The following EPB41L4A variants were observed in gnomAD, a reference collection of about 807,000 sequenced individuals.
EPB41L4A encodes erythrocyte membrane protein band 4.1 like 4A.
In EPB41L4A, 100 loss-of-function variants were observed where a neutral mutation model predicts 108.6. That is an observed-to-expected ratio of 0.92 (90% confidence interval 0.78 to 1.09). The LOEUF (loss-of-function observed/expected upper bound fraction) is 1.09, where lower values mean the gene tolerates loss of function less well. EPB41L4A is among the 50% of genes least tolerant of loss of function. EPB41L4A has a pLI of 0.00. For synonymous variants in EPB41L4A, 319 were observed against 289.0 expected, an observed-to-expected ratio of 1.10 and a Z score of -1.05; for missense variants, 1,030 against 842.7, an observed-to-expected ratio of 1.22 and a Z score of -2.75.
chr5:112,194,279 TAGAG>T (rs745743752), intron 17 of EPB41L4A, among the ~76,000 whole-genome samples: 14 of 152,136 alleles, frequency 9.2e-5, no homozygotes, highest in Non-Finnish European at 1.9e-4. Flanking sequence ...TTACCAGCCT[TAGAG>T]AAATTCACTA....
chr5:112,145,718 A>G (rs1183644987), intron 13 of EPB41L4A, among the ~76,000 whole-genome samples: 1 of 152,222 alleles, frequency 6.6e-6, no homozygotes, highest in East Asian at 1.9e-4. Context: ...TTAATTTCAC[A>G]TCATCCCAAA....
intron 4 of EPB41L4A, among the ~76,000 whole-genome samples, chr5:112,268,844 A>AAAG (rs1752056946): frequency 1.2e-5 from 1 of 81,704 alleles, no homozygotes; most frequent in Admixed American, 1.2e-4. Context: ...CCTTCTCTCA[A>AAAG]AAAAAAAAAA....
chr5:112,389,431 T>G (rs1167990400), intron 1 of EPB41L4A, among the ~76,000 whole-genome samples: 1 of 152,210 alleles, frequency 6.6e-6, no homozygotes, highest in Non-Finnish European at 1.5e-5. Flanking sequence ...AGTTGTTATC[T>G]GACCTTTTCA....
At chr5:112,206,575 C>T (rs923573933) in intron 13 of EPB41L4A, among the ~76,000 whole-genome samples, 13 of 151,838 alleles carry the variant, frequency 8.6e-5, no homozygotes, top group Admixed American at 8.5e-4. Flanking sequence ...ACAAATATGG[C>T]AGATATTTAA....
intron 5 of EPB41L4A, 47 bp downstream of exon 5, chr5:112,266,186 A>G (rs1363396252): frequency 2.9e-6 from 4 of 1,357,024 alleles, no homozygotes; most frequent in Non-Finnish European, 4.0e-6. Flanking sequence ...AAATGCAAAT[A>G]CTTTCTCCAG....
chr5:112,417,440 T>C (rs896884712), intron 1 of EPB41L4A, among the ~76,000 whole-genome samples: 1 of 152,208 alleles, frequency 6.6e-6, no homozygotes, highest in African/African-American at 2.4e-5. Flanking sequence ...TTTTTCTAAT[T>C]GTTTCTATCT....
intron 12 of EPB41L4A, among the ~76,000 whole-genome samples, chr5:112,218,101 C>T (rs1044644898): frequency 1.3e-5 from 2 of 152,164 alleles, no homozygotes; most frequent in African/African-American, 4.8e-5. Flanking sequence ...CACAGACAGT[C>T]CTCCTTGTGG....
intron 1 of EPB41L4A, among the ~76,000 whole-genome samples, chr5:112,400,941 T>C (rs1465872232): frequency 6.6e-6 from 1 of 152,174 alleles, no homozygotes; most frequent in East Asian, 1.9e-4. Context: ...TCTGGATAAC[T>C]TTTAACTATA....
At chr5:112,230,539 C>T (rs563842656) in intron 12 of EPB41L4A, among the ~76,000 whole-genome samples, 2 of 152,106 alleles carry the variant, frequency 1.3e-5, no homozygotes, top group Non-Finnish European at 2.9e-5. Context: ...CTTTTGAGAA[C>T]TGTCTATTCG....
At chr5:112,234,397 G>A (rs1287302519) in intron 12 of EPB41L4A, among the ~76,000 whole-genome samples, 2 of 151,566 alleles carry the variant, frequency 1.3e-5, no homozygotes, top group Middle Eastern at 3.4e-3. Context: ...GAAAAAAAAA[G>A]AAAGTACAGT....
At chr5:112,188,446 T>G (rs957938097) in intron 17 of EPB41L4A, among the ~76,000 whole-genome samples, 1 of 152,114 alleles carries the variant, frequency 6.6e-6, no homozygotes, top group Non-Finnish European at 1.5e-5. Context: ...CCTTTCAAAC[T>G]CTCCTGTTTT....
At chr5:112,227,953 T>G (rs776627925) in intron 12 of EPB41L4A, among the ~76,000 whole-genome samples, 7 of 152,130 alleles carry the variant, frequency 4.6e-5, no homozygotes, top group Non-Finnish European at 8.8e-5. Flanking sequence ...GGCACCATCA[T>G]CCCCTGGAGT....
chr5:112,161,212 G>A (rs962484538), downstream of EPB41L4A: 13 of 270,368 alleles, frequency 4.8e-5, 1 homozygote, highest in Non-Finnish European at 3.7e-5. Flanking sequence ...CCCTGCCCCC[G>A]TATAAAATAA....
At chr5:112,195,276 C>T (rs1761906003) in intron 16 of EPB41L4A, among the ~76,000 whole-genome samples, 1 of 151,896 alleles carries the variant, frequency 6.6e-6, no homozygotes, top group African/African-American at 2.4e-5. Context: ...AGAGAAAGGC[C>T]CCCTGGATAA....
chr5:112,259,584 A>T (rs1259718165), intron 8 of EPB41L4A, among the ~76,000 whole-genome samples: 2 of 152,190 alleles, frequency 1.3e-5, no homozygotes, highest in Non-Finnish European at 2.9e-5. Context: ...TCTCCAACTC[A>T]TCCCCATTTG....
chr5:112,330,989 C>T (rs1756525765), intron 1 of EPB41L4A, among the ~76,000 whole-genome samples: 1 of 152,030 alleles, frequency 6.6e-6, no homozygotes, highest in Admixed American at 6.6e-5. Flanking sequence ...GGCCATCTTC[C>T]GTAACAGAAG....
At chr5:112,354,329 T>C (rs1470482586) in intron 1 of EPB41L4A, among the ~76,000 whole-genome samples, 2 of 152,048 alleles carry the variant, frequency 1.3e-5, no homozygotes, top group Non-Finnish European at 2.9e-5. Flanking sequence ...AGGTGGGAGC[T>C]AGAAGTCAAA....
chr5:112,182,491 A>G (rs990779216), intron 18 of EPB41L4A, among the ~76,000 whole-genome samples: 16 of 152,296 alleles, frequency 1.1e-4, no homozygotes, highest in African/African-American at 3.4e-4. Flanking sequence ...TATATATAGG[A>G]CTTTTTCTAA....
intron 22 of EPB41L4A, 91 bp from the exon 23 acceptor site, chr5:112,165,209 T>A (rs1760171375): frequency 1.4e-5 from 13 of 949,728 alleles, no homozygotes; most frequent in Non-Finnish European, 2.1e-5. Flanking sequence ...TGCTCTTAAA[T>A]TTAAGATACT....
Sources: gnomAD v4.1 joint callset for allele counts (sites outside exome capture counted in the v4.1 genomes callset) on GRCh38, gnomAD v4.1.1 for gene constraint, MANE v1.5 for transcripts, NCBI Gene and HGNC (gene_info 2026-07-23, HGNC 2026-07-21) for gene names.